STPG4: variants seen among roughly 807,000 people sequenced by gnomAD.
STPG4 encodes protein STPG4.
STPG4 carries 41 observed loss-of-function variants against 31.5 expected under a neutral mutation model. The observed-to-expected ratio is 1.30, with a 90% CI of 1.01 to 1.69. The LOEUF (loss-of-function observed/expected upper bound fraction) is 1.69. Among genes scored for constraint, STPG4 ranks in the 40% most tolerant of loss-of-function variants. The pLI is 0.00. For synonymous variants in STPG4, 141 were observed against 103.0 expected, an observed-to-expected ratio of 1.37 and a Z score of -2.24; for missense variants, 375 against 293.4, an observed-to-expected ratio of 1.28 and a Z score of -2.03.
intron 3 of STPG4, 73 bp from the exon 4 acceptor site, chr2:47,130,333 A>G: frequency 1.7e-6 from 2 of 1,206,436 alleles, no homozygotes; most frequent in Non-Finnish European, 2.4e-6. Flanking sequence ...GTCATTCGTA[A>G]TCTTTTATTT....
intron 5 of STPG4, among the ~76,000 whole-genome samples, chr2:47,099,697 G>C (rs1405513467): frequency 6.6e-6 from 1 of 152,264 alleles, no homozygotes; most frequent in African/African-American, 2.4e-5. Flanking sequence ...GCCAAGGCCA[G>C]AGCCGGCTCC....
intron 5 of STPG4, among the ~76,000 whole-genome samples, chr2:47,093,806 A>G (rs12986729): frequency 0.4 from 60,093 of 151,952 alleles, 13,015 homozygotes; most frequent in Middle Eastern, 0.54. Context: ...GGGAGCACTG[A>G]GGAAGTGGAT....
intron 3 of STPG4, among the ~76,000 whole-genome samples, chr2:47,148,423 A>G (rs946102565): frequency 2.6e-5 from 4 of 152,144 alleles, no homozygotes; most frequent in African/African-American, 7.2e-5. Flanking sequence ...CCCTGAATCT[A>G]AAATAAAAGT....
At chr2:47,150,571 A>G (rs1288642226) in intron 3 of STPG4, among the ~76,000 whole-genome samples, 1 of 151,784 alleles carries the variant, frequency 6.6e-6, no homozygotes, top group Non-Finnish European at 1.5e-5. Context: ...GCTGGGGTAC[A>G]GTCATATAAT....
intron 5 of STPG4, chr2:47,128,950 C>T (rs1686416060): frequency 6.6e-6 from 1 of 152,362 alleles, no homozygotes; most frequent in African/African-American, 2.4e-5. Context: ...TGTCTGGCCA[C>T]TGCTGGTGTT....
chr2:47,112,350 T>C (rs1242101815), intron 5 of STPG4, among the ~76,000 whole-genome samples: 2 of 151,642 alleles, frequency 1.3e-5, no homozygotes, highest in Non-Finnish European at 2.9e-5. Flanking sequence ...TTTTTTTTTT[T>C]AGTAGAGATG....
intron 1 of STPG4, 35 bp downstream of exon 1, chr2:47,155,136 C>T: frequency 2.5e-6 from 4 of 1,602,656 alleles, no homozygotes; most frequent in Non-Finnish European, 3.4e-6. Flanking sequence ...GTGAGGGGAG[C>T]AGGAGCCAGG....
chr2:47,139,460 G>GA (rs1412502729), intron 3 of STPG4, among the ~76,000 whole-genome samples: 1 of 148,218 alleles, frequency 6.7e-6, no homozygotes, highest in African/African-American at 2.5e-5. Flanking sequence ...GACCAGATTA[G>GA]AAAAATAATC....
chr2:47,138,933 C>T (rs1376418516), intron 3 of STPG4, among the ~76,000 whole-genome samples: 1 of 152,166 alleles, frequency 6.6e-6, no homozygotes, highest in Non-Finnish European at 1.5e-5. Flanking sequence ...GATCCACCTG[C>T]CTTGGCCTCC....
intron 3 of STPG4, 151 bp downstream of exon 3, chr2:47,151,107 A>T: frequency 3.1e-6 from 3 of 981,894 alleles, no homozygotes; most frequent in Non-Finnish European, 2.9e-6. Flanking sequence ...TTTGCAAATC[A>T]GGCAGTCCTT....
At chr2:47,151,233 A>G (rs777153567) in intron 3 of STPG4, 25 bp downstream of exon 3, 2 of 1,612,148 alleles carry the variant, frequency 1.2e-6, no homozygotes, top group Admixed American at 3.3e-5. Context: ...TTCCCACACA[A>G]AGCAATCTGC....
chr2:47,100,851 G>C (rs555266411), intron 5 of STPG4, among the ~76,000 whole-genome samples: 1 of 151,388 alleles, frequency 6.6e-6, no homozygotes, highest in South Asian at 2.1e-4. Context: ...AAGAAACTCC[G>C]AACACATCCG....
chr2:47,144,793 C>T (rs978302097), intron 3 of STPG4, among the ~76,000 whole-genome samples: 35 of 152,190 alleles, frequency 2.3e-4, no homozygotes, highest in African/African-American at 6.7e-4. Context: ...TGCAGTGGCG[C>T]AACCTCGGCT....
chr2:47,135,093 A>T (rs1417530517), intron 3 of STPG4, among the ~76,000 whole-genome samples: 3 of 152,140 alleles, frequency 2.0e-5, no homozygotes, highest in Non-Finnish European at 4.4e-5. Context: ...TTTGGTCAAC[A>T]GTTCTTTCTC....
chr2:47,113,584 C>G (rs1686084860), intron 5 of STPG4, among the ~76,000 whole-genome samples: 1 of 152,148 alleles, frequency 6.6e-6, no homozygotes, highest in African/African-American at 2.4e-5. Context: ...CATTTTTAAA[C>G]TATCAAATTA....
intron 3 of STPG4, among the ~76,000 whole-genome samples, chr2:47,136,599 T>C (rs1265151016): frequency 6.6e-6 from 1 of 152,228 alleles, no homozygotes; most frequent in Non-Finnish European, 1.5e-5. Flanking sequence ...ACCAGTAATA[T>C]TTTATTTTAT....
intron 5 of STPG4, among the ~76,000 whole-genome samples, chr2:47,099,080 T>C (rs1331789472): frequency 6.6e-6 from 1 of 152,092 alleles, no homozygotes; most frequent in Non-Finnish European, 1.5e-5. Flanking sequence ...ACGGTCTGGG[T>C]TTCTAGTTAG....
intron 5 of STPG4, among the ~76,000 whole-genome samples, chr2:47,121,906 A>T (rs1573175800): frequency 6.9e-6 from 1 of 145,458 alleles, no homozygotes; most frequent in African/African-American, 2.6e-5. Flanking sequence ...ATTCTTCCCC[A>T]CCCTGGAGTA....
intron 5 of STPG4, among the ~76,000 whole-genome samples, chr2:47,106,285 A>G (rs1685908606): frequency 6.6e-6 from 1 of 151,912 alleles, no homozygotes; most frequent in African/African-American, 2.4e-5. Flanking sequence ...AGGCACCTGC[A>G]CCTTAGTCTT....
Sources: allele counts gnomAD v4.1 joint callset (sites outside exome capture counted in the v4.1 genomes callset), GRCh38; gene constraint gnomAD v4.1.1; transcripts MANE v1.5; gene names NCBI Gene and HGNC (gene_info 2026-07-23, HGNC 2026-07-21).